The following IQSEC3 variants were observed in gnomAD, a reference collection of about 807,000 sequenced individuals.
IQSEC3 encodes the protein IQ motif and SEC7 domain-containing protein 3.
A neutral mutation model predicts 105.4 loss-of-function variants in IQSEC3; 50 were observed. That is an observed-to-expected ratio of 0.47 (90% CI 0.38 to 0.60). The LOEUF (loss-of-function observed/expected upper bound fraction) is 0.60, where lower values mean the gene tolerates loss of function less well. Ranked by LOEUF, IQSEC3 falls within the 20% of genes least tolerant of loss-of-function variation. The pLI, the probability that IQSEC3 is intolerant of heterozygous loss-of-function variation, is 0.00. For missense variants in IQSEC3, 1,415 were observed against 1,630.0 expected, an observed-to-expected ratio of 0.87 and a Z score of 2.27; for synonymous variants, 708 against 746.0, an observed-to-expected ratio of 0.95 and a Z score of 0.83.
At chr12:133,071 T>C (rs1444959258) in intron 3 of IQSEC3, among the ~76,000 whole-genome samples, 1 of 152,134 alleles carries the variant, frequency 6.6e-6, no homozygotes, top group Non-Finnish European at 1.5e-5. Context: ...CACTGGCCCA[T>C]CAAAGTAGAA....
chr12:84,507 CA>C (rs1863853072), intron 1 of IQSEC3, among the ~76,000 whole-genome samples: 1 of 152,156 alleles, frequency 6.6e-6, no homozygotes, highest in Admixed American at 6.5e-5. Flanking sequence ...GGAGTGTGCA[CA>C]CATGTGCAGG....
intron 1 of IQSEC3, among the ~76,000 whole-genome samples, chr12:92,826 G>A (rs1180336406): frequency 6.6e-6 from 1 of 152,234 alleles, no homozygotes; most frequent in Non-Finnish European, 1.5e-5. Context: ...CTGGGAAGCA[G>A]GTTCTGAGAA....
intron 13 of IQSEC3, chr12:171,400 G>A (rs1938990258): frequency 1.5e-6 from 2 of 1,371,012 alleles, no homozygotes; most frequent in Non-Finnish European, 2.1e-6. Context: ...TGCCCTCCGA[G>A]GCCGAGCTCC....
At chr12:156,157 C>T (rs947020235) in intron 5 of IQSEC3, among the ~76,000 whole-genome samples, 5 of 151,792 alleles carry the variant, frequency 3.3e-5, no homozygotes, top group African/African-American at 1.2e-4. Flanking sequence ...GGCATGTGAC[C>T]CCACACCCCC....
intron 3 of IQSEC3, chr12:137,406 T>C (rs1266448523): frequency 2.6e-5 from 4 of 151,946 alleles, no homozygotes; most frequent in African/African-American, 9.7e-5. Context: ...AGCATTTCTG[T>C]TTTTCATTGT....
intron 1 of IQSEC3, 29 bp from the exon 2 acceptor site, chr12:99,117 G>A (rs781959573): frequency 2.3e-5 from 36 of 1,588,560 alleles, no homozygotes; most frequent in Non-Finnish European, 2.7e-5. Flanking sequence ...TGCCTCAGGC[G>A]CTCTGATCTC....
chr12:169,175 G>A (rs1356510084), intron 12 of IQSEC3, 70 bp downstream of exon 12: 10 of 1,282,730 alleles, frequency 7.8e-6, no homozygotes, highest in Non-Finnish European at 2.2e-6. Context: ...TGTGGGTCCT[G>A]GGCAATCTGC....
chr12:95,076 G>A (rs1864203469), intron 1 of IQSEC3, among the ~76,000 whole-genome samples: 2 of 152,056 alleles, frequency 1.3e-5, no homozygotes, highest in African/African-American at 2.4e-5. Flanking sequence ...TTTTCTTCAG[G>A]CCAGGAAGCC....
chr12:115,031 G>A (rs1374831988), intron 2 of IQSEC3, among the ~76,000 whole-genome samples: 1 of 152,228 alleles, frequency 6.6e-6, no homozygotes, highest in Non-Finnish European at 1.5e-5. Flanking sequence ...TATCAGGTAG[G>A]ACTTCCAGTA....
chr12:150,710 G>A (rs1866473238), intron 5 of IQSEC3, among the ~76,000 whole-genome samples: 1 of 152,230 alleles, frequency 6.6e-6, no homozygotes, highest in South Asian at 2.1e-4. Context: ...AATGGTGCCT[G>A]GGGTTGGATG....
chr12:178,052 G>T lies in IQSEC3; in HGVS notation c.*3019G>T, dbSNP rs1939289412. On this transcript the variant is annotated 3_prime_UTR_variant, in exon 14 of 14. Coordinates refer to ENST00000538872, the MANE Select transcript of IQSEC3 (RefSeq NM_001170738.2). ...TGAAACTAGTTTTCCACCCACTTTT[G>T]GACAAGTCCCACCCCTAGATCTGAA... 1 of 152,288 alleles carries T rather than the reference G, an allele frequency of 6.6e-6. No homozygotes were observed. The highest frequency in any genetic ancestry group is 6.5e-5 in the Admixed American group (1 of 15,268). 9.4% of individuals were successfully genotyped at this position (152,288 alleles called of 1,614,324 possible).
intron 11 of IQSEC3, 25 bp from the exon 12 acceptor site, chr12:168,988 G>A: frequency 6.2e-7 from 1 of 1,604,170 alleles, no homozygotes; most frequent in Non-Finnish European, 8.5e-7. Flanking sequence ...GGTTTCTCTT[G>A]CTCACGGGCC....
chr12:131,657 G>A (rs1591695194), intron 3 of IQSEC3, among the ~76,000 whole-genome samples: 1 of 152,378 alleles, frequency 6.6e-6, no homozygotes, highest in East Asian at 1.9e-4. Context: ...CTGGGCACAA[G>A]AGATGCAGAG....
At chr12:123,288 G>A (rs1179561406) in intron 2 of IQSEC3, among the ~76,000 whole-genome samples, 5 of 151,928 alleles carry the variant, frequency 3.3e-5, no homozygotes, top group Non-Finnish European at 5.9e-5. Context: ...GTACCCACCT[G>A]TAGCCCGGTG....
At chr12:113,706 G>C (rs1214010559) in intron 2 of IQSEC3, among the ~76,000 whole-genome samples, 1 of 152,162 alleles carries the variant, frequency 6.6e-6, no homozygotes, top group Admixed American at 6.5e-5. Flanking sequence ...TTACGAATTT[G>C]TAATGAGAAA....
chr12:125,642 C>A lies in IQSEC3; in HGVS notation c.633C>A (p.Ser211=). Residue 211 remains serine, a synonymous_variant, in exon 3 of 14, where the codon TCC becomes TCA. Transcript: ENST00000538872. ...TGCCTTCTGTTCACAGTGATGGCTCCTGCACCCAGGCCGGTGGGGGCATGG... is the reference window on the plus strand; with the variant it reads ...TGCCTTCTGTTCACAGTGATGGCTCATGCACCCAGGCCGGTGGGGGCATGG... ...CSDLASQSDG[S]CTQAGGGMED... 1 of 1,518,188 alleles carries A rather than the reference C, an allele frequency of 6.6e-7. No homozygotes were observed. The highest frequency in any genetic ancestry group is 2.1e-5 in the Admixed American group (1 of 47,712). The allele number at this position is 1,518,188 out of a possible 1,614,324, so 94.0% of individuals were successfully genotyped here. A position where few individuals can be genotyped will look rare whatever the true frequency, so the allele number is the denominator to read the frequency against.
intron 1 of IQSEC3, among the ~76,000 whole-genome samples, chr12:96,825 G>A (rs1555074828): frequency 1.3e-5 from 2 of 152,180 alleles, no homozygotes; most frequent in Non-Finnish European, 2.9e-5. Flanking sequence ...GAATGCCCTT[G>A]GCTGAGAAGG....
chr12:121,260 A>G (rs1555081869), intron 2 of IQSEC3, among the ~76,000 whole-genome samples: 1 of 152,206 alleles, frequency 6.6e-6, no homozygotes, highest in African/African-American at 2.4e-5. Flanking sequence ...GTTCCATAAG[A>G]GACTGGATTG....
At chr12:162,148 T>C (rs1591745116) in intron 8 of IQSEC3, 83 bp downstream of exon 8, 2 of 1,479,116 alleles carry the variant, frequency 1.4e-6, no homozygotes, top group Non-Finnish European at 9.3e-7. Flanking sequence ...TTCTTACCTT[T>C]CCAAAACTCT....
Sources: gnomAD v4.1 joint callset for allele counts (sites outside exome capture counted in the v4.1 genomes callset) on GRCh38, gnomAD v4.1.1 for gene constraint, MANE v1.5 for transcripts, NCBI Gene and HGNC (gene_info 2026-07-23, HGNC 2026-07-21) for gene names.